Variants in BCL6 observed in about 807,000 individuals in gnomAD.
BCL6 encodes the protein B-cell lymphoma 6 protein.
Under a neutral mutation model 59.5 loss-of-function variants are expected in BCL6, and 7 were observed. The observed-to-expected ratio is 0.12, with a 90% CI of 0.07 to 0.22. BCL6 has a LOEUF of 0.22. BCL6 is among the 10% of genes least tolerant of loss of function. The pLI is 1.00. For synonymous variants in BCL6, 339 were observed against 349.7 expected, an observed-to-expected ratio of 0.97 and a Z score of 0.34; for missense variants, 685 against 939.4, an observed-to-expected ratio of 0.73 and a Z score of 3.54.
At position 187,730,008 on chromosome 3, in the gene BCL6, C is replaced by G; in HGVS notation, c.397G>C (p.Val133Leu). Reference sequence around the variant, plus strand: ...TCACGAGGAGGCTTGATGGCAGAAACCATCTCTGCTTCACTGTGAAAGAAA... The same window carrying G: ...TCACGAGGAGGCTTGATGGCAGAAAGCATCTCTGCTTCACTGTGAAAGAAA... ...KFIKASEAEM[V>L]SAIKPPREEF... The change falls in exon 5 of 10, where the codon GTT (valine) becomes CTT (leucine). Residue 133 changes from valine to leucine, a missense_variant. Coordinates refer to ENST00000406870, the MANE Select transcript of BCL6 (RefSeq NM_001706.5). 1 of 1,566,140 alleles carries G rather than the reference C, an allele frequency of 6.4e-7. No individual in the cohort carries two copies. The highest frequency in any genetic ancestry group is 8.7e-7 in the Non-Finnish European group (1 of 1,154,646).
At chr3:187,745,004 T>G (rs1711854987) in intron 1 of BCL6, among the ~76,000 whole-genome samples, 1 of 151,542 alleles carries the variant, frequency 6.6e-6, no homozygotes, top group African/African-American at 2.4e-5. Flanking sequence ...TCCTCTCTGC[T>G]CCGGCCGCCC....
intron 1 of BCL6, among the ~76,000 whole-genome samples, chr3:187,739,863 G>C (rs528900514): frequency 6.6e-6 from 1 of 152,310 alleles, no homozygotes; most frequent in East Asian, 1.9e-4. Context: ...GATCTGGAAA[G>C]AAGTCAGCCA....
At chr3:187,744,177 C>G (rs1711755526) in intron 1 of BCL6, among the ~76,000 whole-genome samples, 2 of 152,304 alleles carry the variant, frequency 1.3e-5, no homozygotes, top group Admixed American at 1.3e-4. Flanking sequence ...TGGGAGCCAA[C>G]ACAGAGTCAC....
Position 187,725,378 on chromosome 3 carries a change from C to G in BCL6, c.1839+121G>C. ...TCTCCTGCCCGCTCTGCTCACCTGC[C>G]CGCTCCGCTTGCCTGCCCGCTCCAC... On this transcript the variant is annotated intron_variant, in intron 8 of 9. Coordinates refer to ENST00000406870, the MANE Select transcript of BCL6 (RefSeq NM_001706.5). The surrounding 1 kb of genome is among the most constrained non-coding windows in gnomAD (Gnocchi z 4.7). 4.6e-6 allele frequency: 7 copies of G among 1,531,726 alleles called. No individual in the cohort carries two copies. The highest frequency in any genetic ancestry group is 6.1e-6 in the Non-Finnish European group (7 of 1,140,764). 94.9% of individuals were successfully genotyped at this position (1,531,726 alleles called of 1,614,324 possible).
In BCL6 at chr3:187,730,001, G is replaced by A; in HGVS notation, c.404C>T (p.Ala135Val). Residue 135 changes from alanine to valine, a missense_variant, in exon 5 of 10, where the codon GCC (alanine) becomes GTC (valine). Transcript: ENST00000406870. The part of the protein sequence containing the change: ...IKASEAEMVS[A>V]IKPPREEFLN... ...GAACTCTTCACGAGGAGGCTTGATG[G>A]CAGAAACCATCTCTGCTTCACTGTG... 1 of 1,571,960 alleles carries A rather than the reference G, an allele frequency of 6.4e-7. No individual in the cohort carries two copies. Among genetic ancestry groups the A allele is most frequent in the Non-Finnish European group, 8.6e-7 (1 of 1,157,046 alleles).
chr3:187,744,106 T>TA (rs1241827095), intron 1 of BCL6, among the ~76,000 whole-genome samples: 1 of 152,104 alleles, frequency 6.6e-6, no homozygotes, highest in East Asian at 1.9e-4. Flanking sequence ...GTTCCCTTTT[T>TA]ACAGAGCTTG....
chr3:187,744,402 C>T (rs184808997), intron 1 of BCL6, among the ~76,000 whole-genome samples: 2 of 151,890 alleles, frequency 1.3e-5, no homozygotes, highest in Non-Finnish European at 2.9e-5. Flanking sequence ...AGGTTCCCGA[C>T]TCCCTCGACT....
Position 187,722,340 on chromosome 3 carries a change from T to G in BCL6, c.*118A>C. ...CACCACCCCCAACCCCCAGCTATGA[T>G]TTGCACTAGTGGATGAAAGAGGCAC... On this transcript the variant is annotated 3_prime_UTR_variant, in exon 10 of 10. Transcript: ENST00000406870. The G allele has an allele frequency of 7.7e-6, 4 of 516,868 alleles. No individual in the cohort carries two copies. The highest frequency in any genetic ancestry group is 1.0e-5 in the Non-Finnish European group (4 of 399,168). The allele number at this position is 516,868 out of a possible 1,614,324, so 32.0% of individuals were successfully genotyped here. A position where few individuals can be genotyped will look rare whatever the true frequency, so the allele number is the denominator to read the frequency against.
At position 187,729,449 on chromosome 3, in the gene BCL6, G is replaced by T. The variant is rs775725915; in HGVS notation, c.956C>A (p.Pro319His). The T allele has an allele frequency of 2.5e-6, 4 of 1,610,060 alleles. No homozygotes were observed. Among genetic ancestry groups the T allele is most frequent in the Admixed American group, 1.7e-5 (1 of 59,782 alleles). Residue 319 changes from proline to histidine, a missense_variant, in exon 5 of 10, where the codon CCC becomes CAC. By Grantham distance (77) the Pro-to-His change is moderately conservative (BLOSUM62 -2). Coordinates refer to ENST00000406870, the MANE Select transcript of BCL6 (RefSeq NM_001706.5). This position sits in a 1 kb window ranked among gnomAD's most constrained non-coding sequence, Gnocchi z 5.6. ...EDEIALHFEP[P>H]NAPLNRKGLV... ...ACCCTTCCGGTTCAGGGGTGCATTG[G>T]GGGGCTCGAAATGCAGGGCAATCTC...
intron 1 of BCL6, among the ~76,000 whole-genome samples, chr3:187,744,980 CAA>C (rs2108484837): frequency 1.3e-5 from 2 of 152,190 alleles, no homozygotes; most frequent in East Asian, 1.9e-4. Context: ...AATCACCCCC[CAA>C]GCACTGTCTC....
chr3:187,745,284 CG>C (rs1711895495), intron 1 of BCL6, 125 bp downstream of exon 1: 6 of 397,384 alleles, frequency 1.5e-5, no homozygotes, highest in East Asian at 7.1e-5. Flanking sequence ...TTGGCAAGAG[CG>C]GAAAAAAAAA....
Position 187,728,538 on chromosome 3 carries a change from C to T in BCL6, c.1362G>A (p.Met454Ile), listed in dbSNP as rs1235687781. 5 of 1,607,156 alleles carry T rather than the reference C, an allele frequency of 3.1e-6. No individual in the cohort carries two copies. In the South Asian group the frequency reaches 5.5e-5, roughly 18 times the overall value. Residue 454 changes from methionine (M) to isoleucine (I), a missense_variant, in exon 6 of 10, where the codon ATG (methionine) becomes ATA (isoleucine). By Grantham distance (10) the Met-to-Ile change is conservative (BLOSUM62 1). This residue lies in a region of BCL6 where 207 missense variants were observed against 213.7 expected (regional missense o/e 0.97). Coordinates refer to ENST00000406870, the MANE Select transcript of BCL6 (RefSeq NM_001706.5). Reference protein sequence around the residue: ...SRLNNIVNRSMTGSPRSSSES... With the variant: ...SRLNNIVNRSITGSPRSSSES... Reference sequence around the variant, plus strand: ...CGCTGCTGCTGCGGGGAGAGCCCGTCATGGACCTATGGACAGGAGTAAAAA... The same window carrying T: ...CGCTGCTGCTGCGGGGAGAGCCCGTTATGGACCTATGGACAGGAGTAAAAA...
chr3:187,730,820 C>T (rs1719002824), intron 4 of BCL6, among the ~76,000 whole-genome samples: 1 of 152,170 alleles, frequency 6.6e-6, no homozygotes, highest in South Asian at 2.1e-4. Flanking sequence ...GGCAAGCTCA[C>T]CATGATCACA....
intron 1 of BCL6, among the ~76,000 whole-genome samples, chr3:187,738,259 C>A (rs1024382173): frequency 1.3e-5 from 2 of 152,170 alleles, no homozygotes; most frequent in African/African-American, 4.8e-5. Context: ...TTCTCCCTCA[C>A]CCCCGTTCTT....
At chr3:187,744,380 G>C (rs1576884833) in intron 1 of BCL6, among the ~76,000 whole-genome samples, 3 of 152,132 alleles carry the variant, frequency 2.0e-5, no homozygotes, top group Non-Finnish European at 4.4e-5. Flanking sequence ...GATGAGCAGG[G>C]AGAGCGCGCG....
intron 4 of BCL6, 116 bp from the exon 5 acceptor site, chr3:187,730,137 A>T: frequency 7.2e-7 from 1 of 1,390,742 alleles, no homozygotes; most frequent in Non-Finnish European, 9.6e-7. Context: ...GACATAGGTG[A>T]CGTGGCTCTG....
At chr3:187,732,337 T>A in intron 3 of BCL6, 1 of 420,400 alleles carries the variant, frequency 2.4e-6, no homozygotes, top group Non-Finnish European at 4.7e-6. Context: ...TCCATTGCAT[T>A]TACACTTATT....
rs146386826 is a variant in BCL6, at chr3:187,729,173, G to A, written c.1232C>T (p.Pro411Leu). Residue 411 changes from proline (P) to leucine (L), a missense_variant, in exon 5 of 10, where the codon CCA becomes CTA. Transcript: ENST00000406870. The surrounding 1 kb of genome is among the most constrained non-coding windows in gnomAD (Gnocchi z 5.6). ...CTCCATGGGTGGCTGGCAGGCAGGT[G>A]GGGCCGTGTAGGCTCGTGGGGAAAG... ...GRLSPRAYTA[P>L]PACQPPMEPE... 6.2e-7 allele frequency: 1 copy of A among 1,611,560 alleles called. No homozygotes were observed. The highest frequency in any genetic ancestry group is 1.7e-5 in the Admixed American group (1 of 59,888).
Position 187,728,459 on chromosome 3 carries a change from G to C in BCL6, c.1441C>G (p.Gln481Glu). 6.2e-7 allele frequency: 1 copy of C among 1,612,344 alleles called. No homozygotes were observed. The highest frequency in any genetic ancestry group is 8.5e-7 in the Non-Finnish European group (1 of 1,179,570). ...CACATCTCTGCATGCTGTGGGGACT[G>C]AGAGCCGCAGGACGTGCACTTCGGG... is the stretch of plus-strand genomic sequence containing the variant. ...HPPKCTSCGS[Q>E]SPQHAEMCLH... Residue 481 changes from glutamine to glutamate, a missense_variant, in exon 6 of 10, where the codon CAG becomes GAG. Gln to Glu is a conservative substitution (Grantham distance 29). Coordinates refer to ENST00000406870, the MANE Select transcript of BCL6 (RefSeq NM_001706.5).
Sources: gnomAD v4.1 joint callset for allele counts (sites outside exome capture counted in the v4.1 genomes callset) on GRCh38, gnomAD v4.1.1 for gene constraint, gnomAD v4.1.1 regional missense constraint, Gnocchi (gnomAD v3.1) non-coding constraint, MANE v1.5 for transcripts, NCBI Gene and HGNC (gene_info 2026-07-23, HGNC 2026-07-21) for gene names.